Variants in C8orf34 observed in about 807,000 individuals in gnomAD.
The protein encoded by C8orf34 is chromosome 8 open reading frame 34.
In C8orf34, 65 loss-of-function variants were observed where a neutral mutation model predicts 68.3. The ratio of observed to expected loss-of-function variants is 0.95; its 90% CI spans 0.78 to 1.17. The LOEUF is 1.17. C8orf34 is among the 50% of genes most tolerant of loss of function. C8orf34 has a pLI of 0.00. For synonymous variants in C8orf34, 244 were observed against 241.2 expected (o/e 1.01, Z -0.11); for missense variants, 664 against 655.4 (o/e 1.01, Z -0.14).
chr8:68,768,890 T>C lies in C8orf34; in HGVS notation c.1405-7509T>C, dbSNP rs541548525. 2.0e-5 allele frequency among the ~76,000 whole-genome samples: 3 copies of C among 152,092 alleles called. No homozygotes were observed. The South Asian group carries it at 6.2e-4, about 32-fold the overall frequency. ...CTACTAGATCACTGGGTTCACACTT[T>C]TTTTTTTTAGTATCTTAAGTATATT... On this transcript the variant is annotated intron_variant, in intron 10 of 13. Coordinates refer to ENST00000518698, the MANE Select transcript of C8orf34 (RefSeq NM_052958.4).
At chr8:68,581,502 G>A (rs781328774) in intron 7 of C8orf34, among the ~76,000 whole-genome samples, 4 of 152,038 alleles carry the variant, frequency 2.6e-5, no homozygotes, top group Non-Finnish European at 4.4e-5. Flanking sequence ...AATGACAAGG[G>A]ACCATATTTT....
chr8:68,794,505 A>ATATATATATATATATAT (rs1313909362), intron 12 of C8orf34, among the ~76,000 whole-genome samples: 1 of 62,252 alleles, frequency 1.6e-5, no homozygotes, highest in African/African-American at 1.2e-4. Flanking sequence ...ATATATATAT[A>ATATATATATATATATAT]TTTTTTTTTT....
chr8:68,647,252 A>T (rs1458864875), intron 8 of C8orf34, among the ~76,000 whole-genome samples: 1 of 152,182 alleles, frequency 6.6e-6, no homozygotes, highest in East Asian at 1.9e-4. Context: ...GATATTGCCT[A>T]ACACCTGATA....
intron 7 of C8orf34, among the ~76,000 whole-genome samples, chr8:68,624,693 G>A (rs967787843): frequency 2.6e-5 from 3 of 113,902 alleles, no homozygotes; most frequent in South Asian, 2.5e-4. Flanking sequence ...AGGAAATAGC[G>A]ATACAGCAGC....
intron 8 of C8orf34, among the ~76,000 whole-genome samples, chr8:68,675,784 G>A (rs11991238): frequency 0.22 from 32,947 of 152,076 alleles, 3,851 homozygotes; most frequent in Middle Eastern, 0.35. Context: ...AAACTCTTCA[G>A]TCAAAAGATA....
intron 7 of C8orf34, among the ~76,000 whole-genome samples, chr8:68,561,283 C>T (rs1450146404): frequency 6.6e-6 from 1 of 151,936 alleles, no homozygotes; most frequent in Non-Finnish European, 1.5e-5. Context: ...ACACCCAACC[C>T]AACTTTTAAT....
chr8:68,527,069 C>T (rs1362668276), intron 6 of C8orf34, among the ~76,000 whole-genome samples: 1 of 152,108 alleles, frequency 6.6e-6, no homozygotes, highest in Admixed American at 6.5e-5. Context: ...ATATGAACAC[C>T]AAATTGAAAT....
At chr8:68,671,403 A>G (rs534093986) in intron 8 of C8orf34, among the ~76,000 whole-genome samples, 35 of 152,314 alleles carry the variant, frequency 2.3e-4, no homozygotes, top group African/African-American at 8.2e-4. Flanking sequence ...CAAGTTACTG[A>G]GACGAGAAAC....
At chr8:68,726,497 G>C (rs1042641384) in intron 10 of C8orf34, among the ~76,000 whole-genome samples, 1 of 152,158 alleles carries the variant, frequency 6.6e-6, no homozygotes, top group African/African-American at 2.4e-5. Flanking sequence ...AAAAGTTAGA[G>C]ACTCTGGTAA....
At chr8:68,513,976 A>T (rs953516518) in intron 5 of C8orf34, among the ~76,000 whole-genome samples, 2 of 152,200 alleles carry the variant, frequency 1.3e-5, no homozygotes, top group Non-Finnish European at 2.9e-5. Flanking sequence ...AGAGATTTTG[A>T]ATCCCCATTT....
At chr8:68,345,151 A>T (rs1806228595) in intron 1 of C8orf34, among the ~76,000 whole-genome samples, 1 of 151,986 alleles carries the variant, frequency 6.6e-6, no homozygotes, top group South Asian at 2.1e-4. Flanking sequence ...TTGGCTTAAA[A>T]ATCTTTGCGT....
At chr8:68,622,676 C>T (rs1326954335) in intron 7 of C8orf34, among the ~76,000 whole-genome samples, 7 of 151,882 alleles carry the variant, frequency 4.6e-5, no homozygotes, top group African/African-American at 1.2e-4. Flanking sequence ...TTAGTGGCTG[C>T]GTAAACAGAG....
At chr8:68,579,844 T>A (rs1044863868) in intron 7 of C8orf34, among the ~76,000 whole-genome samples, 1 of 152,180 alleles carries the variant, frequency 6.6e-6, no homozygotes, top group African/African-American at 2.4e-5. Flanking sequence ...CATCGTTAAA[T>A]GAGAATGTCA....
chr8:68,484,666 G>C (rs1225055412), intron 4 of C8orf34, among the ~76,000 whole-genome samples: 2 of 152,164 alleles, frequency 1.3e-5, no homozygotes, highest in Non-Finnish European at 2.9e-5. Flanking sequence ...TGGATATTCT[G>C]CTAGACACTG....
intron 7 of C8orf34, among the ~76,000 whole-genome samples, chr8:68,536,720 GA>G (rs1256843428): frequency 6.6e-6 from 1 of 152,008 alleles, no homozygotes; most frequent in African/African-American, 2.4e-5. Flanking sequence ...AATTGATGAT[GA>G]GGCAAGTATA....
At chr8:68,689,433 A>C (rs1820623212) in intron 8 of C8orf34, among the ~76,000 whole-genome samples, 1 of 152,056 alleles carries the variant, frequency 6.6e-6, no homozygotes, top group African/African-American at 2.4e-5. Flanking sequence ...AATAACGCTT[A>C]AAAAAATTAA....
At chr8:68,782,736 A>T (rs917179326) in intron 11 of C8orf34, among the ~76,000 whole-genome samples, 2 of 152,148 alleles carry the variant, frequency 1.3e-5, no homozygotes, top group Non-Finnish European at 2.9e-5. Context: ...TTGTGCTAAA[A>T]ATCTTGTGCT....
At position 68,597,605 on chromosome 8, in the gene C8orf34, C is replaced by T. The variant is rs986145367; in HGVS notation, c.1106-42771C>T. On this transcript the variant is annotated intron_variant, in intron 7 of 13. Transcript: ENST00000518698. ...GTGTGTGTGTGTGTGTGTGTGTGCA[C>T]GGACGAAGGAAATTTAAGTGGGTTA... Among the ~76,000 whole-genome samples the T allele has an allele frequency of 8.0e-5, 12 of 149,818 alleles. 1 individual carries two copies. Among genetic ancestry groups the T allele is most frequent in the South Asian group, 2.1e-4 (1 of 4,756 alleles).
chr8:68,610,164 G>A (rs543367467), intron 7 of C8orf34, among the ~76,000 whole-genome samples: 26 of 152,198 alleles, frequency 1.7e-4, no homozygotes, highest in Middle Eastern at 3.4e-3. Context: ...ACAGAAATAA[G>A]CCTCAACATA....
Sources: gnomAD v4.1 joint callset for allele counts (sites outside exome capture counted in the v4.1 genomes callset) on GRCh38, gnomAD v4.1.1 for gene constraint, MANE v1.5 for transcripts, NCBI Gene and HGNC (gene_info 2026-07-23, HGNC 2026-07-21) for gene names.